The following OLFML2B variants were observed in gnomAD, a reference collection of about 807,000 sequenced individuals.
The protein encoded by OLFML2B is olfactomedin like 2B.
Under a neutral mutation model 74.9 loss-of-function variants are expected in OLFML2B, and 57 were observed. That is an observed-to-expected ratio of 0.76 (90% confidence interval 0.61 to 0.95). The LOEUF (loss-of-function observed/expected upper bound fraction) is 0.95, where lower values mean the gene tolerates loss of function less well. OLFML2B is among the 40% of genes least tolerant of loss of function. The pLI is 0.00. For synonymous variants in OLFML2B, 388 were observed against 405.8 expected (o/e 0.96, Z 0.53); for missense variants, 986 against 970.6 (o/e 1.02, Z -0.21).
chr1:162,004,119 C>A (rs545816052), intron 4 of OLFML2B, among the ~76,000 whole-genome samples: 1 of 152,170 alleles, frequency 6.6e-6, no homozygotes, highest in Non-Finnish European at 1.5e-5. Flanking sequence ...TAAGCTCAGC[C>A]GACTGGGAAA....
At chr1:162,003,272 G>A (rs1237790878) in intron 4 of OLFML2B, among the ~76,000 whole-genome samples, 1 of 152,218 alleles carries the variant, frequency 6.6e-6, no homozygotes, top group African/African-American at 2.4e-5. Context: ...GAGCTGCTCG[G>A]CAGGCTGTCA....
chr1:162,002,773 G>A (rs1011208022), intron 4 of OLFML2B, among the ~76,000 whole-genome samples: 7 of 152,304 alleles, frequency 4.6e-5, no homozygotes, highest in East Asian at 3.9e-4. Flanking sequence ...CGACATGCTC[G>A]GCTGTGCCTG....
In OLFML2B at chr1:162,000,347, C is replaced by T. The variant is rs769546452; in HGVS notation, c.724-9G>A. ...AGAAACCGCTCTTCATACTGCTCCT[C>T]AGAGGGGACACAAGGGAAGGTCAGG... On this transcript the variant is annotated splice_polypyrimidine_tract_variant and intron_variant, in intron 4 of 7. Transcript: ENST00000294794. 3.1e-6 allele frequency: 5 copies of T among 1,609,722 alleles called. No homozygotes were observed. The African/African-American group carries it at 6.7e-5, about 22-fold the overall frequency.
intron 1 of OLFML2B, among the ~76,000 whole-genome samples, chr1:162,022,052 G>A (rs1245490786): frequency 6.6e-6 from 1 of 152,058 alleles, no homozygotes; most frequent in African/African-American, 2.4e-5. Context: ...TGGTGGAGGT[G>A]AAGGTACAGG....
rs768105303 is a variant in OLFML2B at position 162,000,195 on chromosome 1, C to A, written c.867G>T (p.Pro289=). Residue 289 remains proline, a synonymous_variant, in exon 5 of 8, where the codon CCG becomes CCT. Transcript: ENST00000294794. ...CCCGGATGACAGTGGGCTGGGAGGC[C>A]GGCCGGCCTCTCAGGTGGACCTGCC... is the stretch of plus-strand genomic sequence containing the variant. ...LQRQVHLRGR[P]ASQPTVIRGI... 6.2e-7 allele frequency: 1 copy of A among 1,613,688 alleles called. No individual in the cohort carries two copies. Among genetic ancestry groups the A allele is most frequent in the Admixed American group, 1.7e-5 (1 of 60,014 alleles).
chr1:161,992,980 T>C (rs1689784377), intron 6 of OLFML2B, among the ~76,000 whole-genome samples: 1 of 150,682 alleles, frequency 6.6e-6, no homozygotes, highest in Non-Finnish European at 1.5e-5. Flanking sequence ...AAATGCACTC[T>C]CTGTGAAGTA....
intron 3 of OLFML2B, among the ~76,000 whole-genome samples, chr1:162,008,563 T>G (rs1250582314): frequency 2.6e-5 from 4 of 152,218 alleles, no homozygotes; most frequent in East Asian, 3.8e-4. Flanking sequence ...TCAGGATACA[T>G]GACAGGATAT....
chr1:162,009,842 C>G (rs1313455954), intron 3 of OLFML2B, among the ~76,000 whole-genome samples: 1 of 152,176 alleles, frequency 6.6e-6, no homozygotes, highest in African/African-American at 2.4e-5. Context: ...GCGCTTCTCA[C>G]ACCAAAGGCC....
chr1:161,998,203 C>T lies in OLFML2B; in HGVS notation c.1096G>A (p.Ala366Thr), dbSNP rs550282369. The change falls in exon 6 of 8, where the codon GCT (alanine) becomes ACT (threonine). Residue 366 changes from alanine to threonine, a missense_variant. Ala to Thr is a moderately conservative substitution (Grantham distance 58). Transcript: ENST00000294794. ...HSTAVTSDLN[A>T]RTAPWSSALP... ...GCTGAGGACCAGGGTGCGGTCCGAG[C>T]GTTCAGGTCGCTTGTCACAGCAGTG... 31 of 1,613,976 alleles carry T rather than the reference C, an allele frequency of 1.9e-5. 1 individual carries two copies. In the Middle Eastern group the frequency reaches 5.0e-4, roughly 26 times the overall value.
chr1:161,985,554 G>A (rs777571295), intron 6 of OLFML2B, among the ~76,000 whole-genome samples: 15 of 152,240 alleles, frequency 9.9e-5, no homozygotes, highest in East Asian at 1.9e-4. Context: ...CACACAGCAT[G>A]AGAAGTGTGG....
chr1:161,999,279 G>A (rs1690017360), intron 5 of OLFML2B, among the ~76,000 whole-genome samples: 1 of 152,170 alleles, frequency 6.6e-6, no homozygotes. Context: ...AACTAAAAAT[G>A]CATGCCATAG....
chr1:162,006,163 A>G (rs1690223273), intron 4 of OLFML2B, 134 bp downstream of exon 4: 6 of 748,994 alleles, frequency 8.0e-6, no homozygotes, highest in Non-Finnish European at 1.0e-5. Context: ...CAGAACCTGC[A>G]GAACAATTGT....
intron 6 of OLFML2B, among the ~76,000 whole-genome samples, chr1:161,988,997 A>G (rs1029524710): frequency 1.3e-5 from 2 of 151,954 alleles, no homozygotes; most frequent in African/African-American, 4.8e-5. Context: ...CTTTCCCTTC[A>G]CCCACATTCC....
At chr1:162,013,065 T>C (rs1471890948) in intron 3 of OLFML2B, among the ~76,000 whole-genome samples, 1 of 152,168 alleles carries the variant, frequency 6.6e-6, no homozygotes, top group Non-Finnish European at 1.5e-5. Context: ...AGAGCCCGGA[T>C]GAAGTCTTTT....
chr1:161,995,459 T>C (rs1689866592), intron 6 of OLFML2B, among the ~76,000 whole-genome samples: 1 of 152,176 alleles, frequency 6.6e-6, no homozygotes, highest in South Asian at 2.1e-4. Context: ...ACCAGGTAAA[T>C]GGCTGCTGGG....
At chr1:162,001,547 G>A (rs1343047519) in intron 4 of OLFML2B, among the ~76,000 whole-genome samples, 1 of 152,176 alleles carries the variant, frequency 6.6e-6, no homozygotes, top group Admixed American at 6.5e-5. Flanking sequence ...GCCAGCCCTG[G>A]ACTGCCTGCC....
chr1:161,993,055 A>G (rs1443016754), intron 6 of OLFML2B, among the ~76,000 whole-genome samples: 2 of 152,236 alleles, frequency 1.3e-5, no homozygotes, highest in African/African-American at 4.8e-5. Flanking sequence ...AGCATGGAAC[A>G]GCAAATAAAA....
rs569297791 is a variant in OLFML2B at position 162,017,525 on chromosome 1, G to T, written c.439-18C>A. 1.3e-6 allele frequency: 2 copies of T among 1,593,026 alleles called. No homozygotes were observed. The highest frequency in any genetic ancestry group is 2.2e-5 in the South Asian group (2 of 89,340). On this transcript the variant is annotated intron_variant, in intron 2 of 7. Coordinates refer to ENST00000294794, the MANE Select transcript of OLFML2B (RefSeq NM_015441.3). Reference sequence around the variant, plus strand: ...GTGGAGAGCTATGAAACAAGGCAAGGGGTTAGTCCAGGGCTGGGGCACACA... The same window carrying T: ...GTGGAGAGCTATGAAACAAGGCAAGTGGTTAGTCCAGGGCTGGGGCACACA...
At chr1:162,014,206 A>G (rs1462078276) in intron 3 of OLFML2B, among the ~76,000 whole-genome samples, 5 of 152,188 alleles carry the variant, frequency 3.3e-5, no homozygotes, top group African/African-American at 1.2e-4. Flanking sequence ...TTCATTGTTT[A>G]TACACTTTTC....
Sources: allele counts gnomAD v4.1 joint callset (sites outside exome capture counted in the v4.1 genomes callset), GRCh38; gene constraint gnomAD v4.1.1; transcripts MANE v1.5; gene names NCBI Gene and HGNC (gene_info 2026-07-23, HGNC 2026-07-21).